GALNT17: variants seen among roughly 807,000 people sequenced by gnomAD.
GALNT17 encodes the protein polypeptide N-acetylgalactosaminyltransferase 17.
In GALNT17, 29 loss-of-function variants were observed where a neutral mutation model predicts 63.7. The ratio of observed to expected loss-of-function variants is 0.46; its 90% CI spans 0.34 to 0.62. The LOEUF (loss-of-function observed/expected upper bound fraction) is 0.62, where lower values mean the gene tolerates loss of function less well. Ranked by LOEUF, GALNT17 falls within the 20% of genes least tolerant of loss-of-function variation. The pLI is 0.01. For missense variants in GALNT17, 603 were observed against 799.6 expected (o/e 0.75, Z 2.97); for synonymous variants, 305 against 318.3 (o/e 0.96, Z 0.45).
chr7:71,463,583 C>A (rs1787487052), intron 5 of GALNT17, among the ~76,000 whole-genome samples: 1 of 152,160 alleles, frequency 6.6e-6, no homozygotes, highest in Non-Finnish European at 1.5e-5. Context: ...AGAGCAGTGG[C>A]ATGGGCTGCT....
chr7:71,676,332 A>T (rs1250279189), intron 8 of GALNT17, among the ~76,000 whole-genome samples: 1 of 152,068 alleles, frequency 6.6e-6, no homozygotes, highest in Non-Finnish European at 1.5e-5. Flanking sequence ...ATGTTTTTGA[A>T]TATATAAATA....
intron 6 of GALNT17, among the ~76,000 whole-genome samples, chr7:71,596,684 G>C (rs959608834): frequency 6.6e-6 from 1 of 152,062 alleles, no homozygotes; most frequent in Admixed American, 6.5e-5. Context: ...CAGAAGCAAG[G>C]TCAGAGGTTT....
At chr7:71,149,045 G>T (rs978319061) in intron 1 of GALNT17, among the ~76,000 whole-genome samples, 2 of 151,770 alleles carry the variant, frequency 1.3e-5, no homozygotes, top group African/African-American at 4.8e-5. Flanking sequence ...CTCCCAAGTG[G>T]CTGGAACTCC....
At chr7:71,146,469 G>T (rs1291024164) in intron 1 of GALNT17, among the ~76,000 whole-genome samples, 1 of 152,168 alleles carries the variant, frequency 6.6e-6, no homozygotes, top group African/African-American at 2.4e-5. Flanking sequence ...GAAGGATGAA[G>T]GGGGAGGGGA....
Position 71,377,114 on chromosome 7 carries a change from A to AAAAATATAT in GALNT17, c.423-11120_423-11119insAAATATATA. Reference sequence around the variant, plus strand: ...AAAAAAAAAAAATAAAAATAAAAAAAATATATATATATATATATATATATA... The same window carrying AAAAATATAT: ...AAAAAAAAAAAATAAAAATAAAAAAAAAAATATATATATATATATATATATATATATATA... On this transcript the variant is annotated intron_variant, in intron 2 of 10. Transcript: ENST00000333538. Among the ~76,000 whole-genome samples the AAAAATATAT allele has an allele frequency of 9.7e-4, 56 of 57,438 alleles. 6 individuals carry two copies. Among genetic ancestry groups the AAAAATATAT allele is most frequent in the African/African-American group, 1.6e-3 (17 of 10,664 alleles). 37.7% of individuals were successfully genotyped at this position (57,438 alleles called of 152,430 possible).
intron 1 of GALNT17, among the ~76,000 whole-genome samples, chr7:71,227,854 C>T (rs943519883): frequency 2.0e-5 from 3 of 152,088 alleles, no homozygotes; most frequent in Non-Finnish European, 4.4e-5. Context: ...GGTTCCAGCT[C>T]ACGGGTTGAG....
At chr7:71,600,989 CGTATCA>C (rs1275417241) in intron 6 of GALNT17, among the ~76,000 whole-genome samples, 5 of 152,050 alleles carry the variant, frequency 3.3e-5, no homozygotes, top group Non-Finnish European at 7.4e-5. Context: ...TTAGCTCCCA[CGTATCA>C]GTGAGAACAT....
At chr7:71,597,002 A>G (rs981100987) in intron 6 of GALNT17, among the ~76,000 whole-genome samples, 7 of 152,134 alleles carry the variant, frequency 4.6e-5, no homozygotes, top group African/African-American at 1.7e-4. Flanking sequence ...AGCCTGGGCA[A>G]CATAGTGAGA....
At position 71,694,639 on chromosome 7, in the gene GALNT17, G is replaced by A. The variant is rs536432688; in HGVS notation, c.1501-16122G>A. On this transcript the variant is annotated intron_variant, in intron 9 of 10. Coordinates refer to ENST00000333538, the MANE Select transcript of GALNT17 (RefSeq NM_022479.3). ...TCAAACTTCTGACCTCAAGTGATTC[G>A]CCCGCCTCGGCCTCCTAAAGTGCTG... 1.7e-4 allele frequency among the ~76,000 whole-genome samples: 26 copies of A among 152,180 alleles called. No individual in the cohort carries two copies. The South Asian group carries it at 3.5e-3, about 21-fold the overall frequency.
chr7:71,580,020 G>C (rs1346032949), intron 6 of GALNT17, among the ~76,000 whole-genome samples: 1 of 151,842 alleles, frequency 6.6e-6, no homozygotes, highest in Non-Finnish European at 1.5e-5. Flanking sequence ...AGATATAGAC[G>C]ATAGAGATGA....
intron 6 of GALNT17, among the ~76,000 whole-genome samples, chr7:71,573,370 G>A (rs1005131844): frequency 1.6e-4 from 24 of 151,386 alleles, no homozygotes; most frequent in Admixed American, 6.6e-4. Context: ...TTGCTCTGTC[G>A]CCCAGGCTGG....
intron 2 of GALNT17, among the ~76,000 whole-genome samples, chr7:71,352,611 C>G (rs1281721313): frequency 6.6e-6 from 1 of 152,030 alleles, no homozygotes; most frequent in African/African-American, 2.4e-5. Flanking sequence ...GAATCTGGAG[C>G]TTGAGAGAGA....
At chr7:71,501,915 CT>C (rs1378465314) in intron 5 of GALNT17, among the ~76,000 whole-genome samples, 1 of 151,888 alleles carries the variant, frequency 6.6e-6, no homozygotes, top group Non-Finnish European at 1.5e-5. Context: ...GATTACCATC[CT>C]CCCCTTCTTC....
intron 1 of GALNT17, among the ~76,000 whole-genome samples, chr7:71,312,660 G>A (rs1293991376): frequency 6.6e-6 from 1 of 152,128 alleles, no homozygotes; most frequent in South Asian, 2.1e-4. Flanking sequence ...TGCTCTGTGT[G>A]CATATCTCCC....
intron 5 of GALNT17, among the ~76,000 whole-genome samples, chr7:71,470,347 G>A (rs1164787783): frequency 1.3e-5 from 2 of 152,052 alleles, no homozygotes; most frequent in Non-Finnish European, 1.5e-5. Context: ...TTGGTTGGTG[G>A]GTTGGTTCCT....
intron 9 of GALNT17, among the ~76,000 whole-genome samples, chr7:71,691,282 T>C (rs553994847): frequency 6.6e-6 from 1 of 152,342 alleles, no homozygotes; most frequent in South Asian, 2.1e-4. Context: ...AGATGATCAC[T>C]AGTATTTTTA....
At chr7:71,378,233 C>T (rs1792781231) in intron 2 of GALNT17, among the ~76,000 whole-genome samples, 1 of 152,116 alleles carries the variant, frequency 6.6e-6, no homozygotes, top group African/African-American at 2.4e-5. Context: ...CTGCAGAGCT[C>T]AACTGGAGGA....
intron 5 of GALNT17, among the ~76,000 whole-genome samples, chr7:71,475,388 G>A (rs59524554): frequency 0.2 from 30,238 of 152,078 alleles, 3,879 homozygotes; most frequent in East Asian, 0.54. Context: ...CCTTCTGGGG[G>A]TGATGGGAGA....
chr7:71,673,787 T>C (rs1485941861), intron 8 of GALNT17, among the ~76,000 whole-genome samples: 1 of 152,122 alleles, frequency 6.6e-6, no homozygotes, highest in Non-Finnish European at 1.5e-5. Flanking sequence ...GCTAATTTTG[T>C]GTTTTTGTTT....
Sources: gnomAD v4.1 joint callset for allele counts (sites outside exome capture counted in the v4.1 genomes callset) on GRCh38, gnomAD v4.1.1 for gene constraint, MANE v1.5 for transcripts, NCBI Gene and HGNC (gene_info 2026-07-23, HGNC 2026-07-21) for gene names.